Variants in DEAF1 observed in about 807,000 individuals in gnomAD.
The protein encoded by DEAF1 is deformed epidermal autoregulatory factor 1 homolog.
In DEAF1, 53 loss-of-function variants were observed where a neutral mutation model predicts 58.9. That is an observed-to-expected ratio of 0.90 (90% CI 0.72 to 1.13). The LOEUF (loss-of-function observed/expected upper bound fraction) is 1.13. Among genes scored for constraint, DEAF1 ranks in the 50% most tolerant of loss-of-function variants. The pLI is 0.00. For missense variants in DEAF1, 685 were observed against 791.4 expected (o/e 0.87, Z 1.61); for synonymous variants, 385 against 340.4 (o/e 1.13, Z -1.44).
intron 11 of DEAF1, among the ~76,000 whole-genome samples, chr11:650,370 T>A (rs1858709109): frequency 1.8e-5 from 1 of 55,146 alleles, no homozygotes; most frequent in Non-Finnish European, 2.7e-5. Flanking sequence ...TGACAGTCCG[T>A]CTCAAAAAAA....
chr11:694,759 C>T lies in DEAF1; in HGVS notation c.289G>A (p.Glu97Lys). Residue 97 changes from glutamate (E) to lysine (K), a missense_variant and splice_region_variant, in exon 1 of 12, where the codon GAG (glutamate) becomes AAG (lysine). Physicochemically the swap from Glu to Lys is moderately conservative, Grantham distance 56. Coordinates refer to ENST00000382409, the MANE Select transcript of DEAF1 (RefSeq NM_021008.4). ...DEAAAAAAFA[E>K]VTTVTVANVG... ...GCGAGAGGCCGGCGGGCGCACTTGC[C>T]TGCGAAGGCTGCGGCAGCGGCGGCC... The T allele has an allele frequency of 7.7e-7, 1 of 1,299,146 alleles. No individual in the cohort carries two copies. Among genetic ancestry groups the T allele is most frequent in the Non-Finnish European group, 9.7e-7 (1 of 1,028,788 alleles). 80.5% of individuals were successfully genotyped at this position (1,299,146 alleles called of 1,614,324 possible). A position where few individuals can be genotyped will look rare whatever the true frequency, so the allele number is the denominator to read the frequency against.
intron 6 of DEAF1, 98 bp from the exon 7 acceptor site, chr11:681,187 G>C: frequency 6.5e-7 from 1 of 1,530,628 alleles, no homozygotes; most frequent in South Asian, 1.1e-5. Flanking sequence ...GGGTGTGTGA[G>C]TCACATGGTG....
intron 1 of DEAF1, chr11:700,247 A>G (rs7482162): frequency 6.2e-7 from 1 of 1,610,318 alleles, no homozygotes; most frequent in Non-Finnish European, 8.5e-7. Flanking sequence ...TAAGTCAGGG[A>G]CGGGCACAGT....
At chr11:652,469 C>G (rs1858820452) in intron 11 of DEAF1, among the ~76,000 whole-genome samples, 1 of 152,110 alleles carries the variant, frequency 6.6e-6, no homozygotes, top group South Asian at 2.1e-4. Context: ...GAAACCCTGT[C>G]TCTACTAAAA....
chr11:695,773 G>C, upstream of DEAF1: 6 of 1,237,836 alleles, frequency 4.8e-6, no homozygotes, highest in African/African-American at 1.5e-5. Flanking sequence ...GAGCGCGAGC[G>C]CGCGGGCCGA....
At chr11:700,666 T>A (rs1861411059) in intron 1 of DEAF1, 1 of 1,614,200 alleles carries the variant, frequency 6.2e-7, no homozygotes, top group East Asian at 2.2e-5. Context: ...CTTGCTCTGC[T>A]GTTTCTGATG....
At chr11:694,135 G>C (rs570426715) in intron 1 of DEAF1, among the ~76,000 whole-genome samples, 14 of 152,196 alleles carry the variant, frequency 9.2e-5, no homozygotes, top group Admixed American at 5.2e-4. Context: ...CAGGACAGGT[G>C]GGGGGAGCCA....
upstream of DEAF1, chr11:695,724 G>C (rs552643462): frequency 1.2e-4 from 154 of 1,241,278 alleles, no homozygotes; most frequent in Non-Finnish European, 1.5e-4. Context: ...ACGCGGCGCG[G>C]TCGGGCCCCT....
chr11:699,007 G>A, upstream of DEAF1: 5 of 1,222,062 alleles, frequency 4.1e-6, no homozygotes, highest in South Asian at 1.2e-5. Flanking sequence ...CCACTTTGGA[G>A]AGGGGGGTGT....
chr11:703,575 T>C, intron 1 of DEAF1: 2 of 1,233,410 alleles, frequency 1.6e-6, no homozygotes, highest in Non-Finnish European at 2.0e-6. Flanking sequence ...TAATTTGTGT[T>C]CTGAGATCCC....
At chr11:703,965 A>G in intron 1 of DEAF1, 1 of 1,233,380 alleles carries the variant, frequency 8.1e-7, no homozygotes, top group Non-Finnish European at 1.0e-6. Context: ...CCATTCCCAG[A>G]TTTACTATCA....
intron 1 of DEAF1, among the ~76,000 whole-genome samples, chr11:700,391 G>A (rs1450029508): frequency 6.6e-6 from 1 of 152,062 alleles, no homozygotes; most frequent in Non-Finnish European, 1.5e-5. Flanking sequence ...GCCGGGCGTG[G>A]TGGTGGGCGC....
At chr11:703,074 T>G in intron 1 of DEAF1, 1 of 1,612,640 alleles carries the variant, frequency 6.2e-7, no homozygotes, top group Middle Eastern at 1.7e-4. Context: ...GACTGGGCCC[T>G]CAGCGCCACG....
intron 11 of DEAF1, chr11:651,461 A>G: frequency 3.3e-6 from 1 of 303,274 alleles, no homozygotes; most frequent in Non-Finnish European, 6.3e-6. Context: ...TTATTGAGAC[A>G]AAGAAGGATG....
chr11:674,764 C>T lies in DEAF1; in HGVS notation c.1275G>A (p.Ala425=), dbSNP rs755902234. ...TGGGAGTCGGGGGTGGGACCGCCAGCGCAGGCAGGGATGTCAACACTAGAG... is the reference window on the plus strand; with the variant it reads ...TGGGAGTCGGGGGTGGGACCGCCAGTGCAGGCAGGGATGTCAACACTAGAG... ...HPKIVLTSLP[A]LAVPPPTPTK... The change falls in exon 10 of 12, where the codon GCG becomes GCA. Residue 425 remains alanine (A), a synonymous_variant. Coordinates refer to ENST00000382409, the MANE Select transcript of DEAF1 (RefSeq NM_021008.4). 1.2e-5 allele frequency: 19 copies of T among 1,612,492 alleles called. No homozygotes were observed. The highest frequency in any genetic ancestry group is 6.7e-5 in the African/African-American group (5 of 74,920).
At chr11:680,890 G>A (rs1306515117) in intron 7 of DEAF1, 73 bp downstream of exon 7, 2 of 1,600,620 alleles carry the variant, frequency 1.2e-6, no homozygotes, top group South Asian at 1.1e-5. Context: ...CAGTGGCCGT[G>A]GGAGTGGTGA....
Position 694,856 on chromosome 11 carries a change from C to A in DEAF1, c.192G>T (p.Thr64=). The A allele has an allele frequency of 6.7e-7, 1 of 1,495,698 alleles. No homozygotes were observed. Among genetic ancestry groups the A allele is most frequent in the South Asian group, 1.3e-5 (1 of 79,050 alleles). 92.7% of individuals were successfully genotyped at this position (1,495,698 alleles called of 1,614,324 possible). A position where few individuals can be genotyped will look rare whatever the true frequency, so the allele number is the denominator to read the frequency against. ...GCTCCGCCGCCATCACCGCCACTGC[C>A]GTGACCCGCGGCGTCTCCCGCTCCG... ...SEAERETPRV[T]AVAVMAAEPG... The change falls in exon 1 of 12, where the codon ACG becomes ACT. Residue 64 remains threonine (T), a synonymous_variant. Coordinates refer to ENST00000382409, the MANE Select transcript of DEAF1 (RefSeq NM_021008.4).
At chr11:671,674 C>A (rs1859829196) in intron 10 of DEAF1, among the ~76,000 whole-genome samples, 1 of 150,914 alleles carries the variant, frequency 6.6e-6, no homozygotes, top group African/African-American at 2.4e-5. Context: ...GAGTTTGAGA[C>A]CACCTTGGGC....
chr11:682,220 A>G (rs927848487), intron 6 of DEAF1, among the ~76,000 whole-genome samples: 15 of 152,160 alleles, frequency 9.9e-5, no homozygotes, highest in Non-Finnish European at 1.9e-4. Flanking sequence ...TGTCAGAATC[A>G]ACTAACTGCC....
Sources: gnomAD v4.1 joint callset for allele counts (sites outside exome capture counted in the v4.1 genomes callset) on GRCh38, gnomAD v4.1.1 for gene constraint, MANE v1.5 for transcripts, NCBI Gene and HGNC (gene_info 2026-07-23, HGNC 2026-07-21) for gene names.